The following CACNA1D variants were observed in gnomAD, a reference collection of about 807,000 sequenced individuals.
CACNA1D encodes voltage-dependent L-type calcium channel subunit alpha-1D.
CACNA1D carries 55 observed loss-of-function variants against 257.1 expected under a neutral mutation model. The ratio of observed to expected loss-of-function variants is 0.21; its 90% CI spans 0.17 to 0.27. CACNA1D has a LOEUF of 0.27. Ranked by LOEUF, CACNA1D falls within the 10% of genes least tolerant of loss-of-function variation. The pLI, the probability that CACNA1D is intolerant of heterozygous loss-of-function variation, is 1.00. For missense variants in CACNA1D, 1,876 were observed against 2,784.0 expected (o/e 0.67, Z 7.34); for synonymous variants, 980 against 1,014.9 (o/e 0.97, Z 0.65).
At position 53,733,328 on chromosome 3, in the gene CACNA1D, C is replaced by T. The variant is rs191743229; in HGVS notation, c.2621+366C>T. Among the ~76,000 whole-genome samples the T allele has an allele frequency of 9.8e-5, 15 of 152,312 alleles. No individual in the cohort carries two copies. In the East Asian group the frequency reaches 2.7e-3, roughly 27 times the overall value. On this transcript the variant is annotated intron_variant, in intron 19 of 47. Coordinates refer to ENST00000350061, the MANE Select transcript of CACNA1D (RefSeq NM_001128840.3). Reference sequence around the variant, plus strand: ...TCTGGTGTTCCATGCTTCGGCCAGCCGTGGAAATTTTTCCTAATGAGTGGA... The same window carrying T: ...TCTGGTGTTCCATGCTTCGGCCAGCTGTGGAAATTTTTCCTAATGAGTGGA...
chr3:53,538,327 T>A (rs989776969), intron 3 of CACNA1D, among the ~76,000 whole-genome samples: 2 of 152,004 alleles, frequency 1.3e-5, no homozygotes, highest in African/African-American at 4.8e-5. Flanking sequence ...TGGCTAATTT[T>A]TGTATTTTTA....
chr3:53,562,510 AT>A (rs1484802367), intron 3 of CACNA1D, among the ~76,000 whole-genome samples: 1 of 152,122 alleles, frequency 6.6e-6, no homozygotes, highest in African/African-American at 2.4e-5. Context: ...TGAGAACTGT[AT>A]TTTTTATAGC....
At chr3:53,697,917 T>C (rs906754213) in intron 8 of CACNA1D, among the ~76,000 whole-genome samples, 1 of 152,184 alleles carries the variant, frequency 6.6e-6, no homozygotes, top group African/African-American at 2.4e-5. Context: ...TGCCCTGGAA[T>C]CACCCAGTTC....
At chr3:53,659,375 C>T (rs1266802881) in intron 4 of CACNA1D, among the ~76,000 whole-genome samples, 2 of 152,168 alleles carry the variant, frequency 1.3e-5, no homozygotes, top group African/African-American at 4.8e-5. Context: ...GATTTACATC[C>T]TCCAAATATC....
At chr3:53,527,723 A>G (rs541016812) in intron 3 of CACNA1D, among the ~76,000 whole-genome samples, 1 of 152,350 alleles carries the variant, frequency 6.6e-6, no homozygotes, top group South Asian at 2.1e-4. Context: ...TAGTATTTAC[A>G]GTACTGGATG....
chr3:53,691,795 T>C (rs1249671007), intron 8 of CACNA1D, among the ~76,000 whole-genome samples: 1 of 70,230 alleles, frequency 1.4e-5, no homozygotes, highest in Non-Finnish European at 2.9e-5. Flanking sequence ...AATATATATA[T>C]TACATATATA....
intron 3 of CACNA1D, among the ~76,000 whole-genome samples, chr3:53,617,766 G>A (rs190132958): frequency 2.5e-4 from 38 of 152,296 alleles, no homozygotes; most frequent in Non-Finnish European, 4.6e-4. Flanking sequence ...AGTGACTCAG[G>A]CACTCAGCTA....
intron 8 of CACNA1D, among the ~76,000 whole-genome samples, chr3:53,690,939 C>G (rs1034568670): frequency 6.6e-6 from 1 of 152,214 alleles, no homozygotes; most frequent in Non-Finnish European, 1.5e-5. Flanking sequence ...AGCCAGACTT[C>G]ATGTGCACAT....
chr3:53,580,038 G>C (rs1313337762), intron 3 of CACNA1D, among the ~76,000 whole-genome samples: 1 of 152,200 alleles, frequency 6.6e-6, no homozygotes, highest in Non-Finnish European at 1.5e-5. Context: ...CAGGTACAAA[G>C]ACCACTGCAG....
At chr3:53,501,947 T>G (rs561329320) in intron 3 of CACNA1D, among the ~76,000 whole-genome samples, 1 of 152,208 alleles carries the variant, frequency 6.6e-6, no homozygotes, top group Non-Finnish European at 1.5e-5. Flanking sequence ...TAAATAGATA[T>G]GGAATTTTTA....
In CACNA1D at chr3:53,789,766, C is replaced by T. The variant is rs2095474477; in HGVS notation, c.4923+2814C>T. Among the ~76,000 whole-genome samples, 1 of 152,234 alleles carries T rather than the reference C, an allele frequency of 6.6e-6. No individual in the cohort carries two copies. Among genetic ancestry groups the T allele is most frequent in the African/African-American group, 2.4e-5 (1 of 41,466 alleles). On this transcript the variant is annotated intron_variant, in intron 40 of 47. Transcript: ENST00000350061. This position sits in a 1 kb window ranked among gnomAD's most constrained non-coding sequence, Gnocchi z 4.2. ...CGTAGGGTGCAGTCTGTCTGAACAG[C>T]TTCCAGGATGGGCCCAAGACCTCTG... is the stretch of plus-strand genomic sequence containing the variant.
intron 9 of CACNA1D, among the ~76,000 whole-genome samples, chr3:53,716,840 T>G (rs1262953093): frequency 1.3e-5 from 2 of 152,196 alleles, no homozygotes; most frequent in African/African-American, 4.8e-5. Context: ...GGGATCTTCT[T>G]TGGTATCCTC....
In CACNA1D at chr3:53,774,662, GTGC is replaced by G; in HGVS notation, c.4194_4196del (p.Leu1399del). On this transcript the variant is annotated inframe_deletion, in exon 34 of 48. Transcript: ENST00000350061. This position sits in a 1 kb window ranked among gnomAD's most constrained non-coding sequence, Gnocchi z 4.3. ...TAACTTCCAGACGTTTCCCCAGGCG[GTGC>G]TGCTGCTCTTCAGGTGACTGCAACT... The G allele has an allele frequency of 6.2e-7, 1 of 1,610,378 alleles. No individual in the cohort carries two copies.
intron 3 of CACNA1D, among the ~76,000 whole-genome samples, chr3:53,590,670 G>A (rs1369128295): frequency 6.6e-6 from 1 of 152,170 alleles, no homozygotes; most frequent in African/African-American, 2.4e-5. Flanking sequence ...TATTAGCTTT[G>A]GGCCAGATTC....
At chr3:53,650,505 A>G (rs963823745) in intron 3 of CACNA1D, among the ~76,000 whole-genome samples, 12 of 152,254 alleles carry the variant, frequency 7.9e-5, no homozygotes, top group African/African-American at 2.7e-4. Context: ...AGGCAGACTC[A>G]TCACACGCAT....
At position 53,730,522 on chromosome 3, in the gene CACNA1D, G is replaced by A. The variant is rs2094979742; in HGVS notation, c.2302G>A (p.Glu768Lys). Reference protein sequence around the residue: ...AESLNTAQKEEAEEKERKKIA... With the variant: ...AESLNTAQKEKAEEKERKKIA... Reference sequence around the variant, plus strand: ...AAGTCTGAACACTGCTCAGAAAGAAGAAGCGGAAGAAAAGGAGAGGAAAAA... The same window carrying A: ...AAGTCTGAACACTGCTCAGAAAGAAAAAGCGGAAGAAAAGGAGAGGAAAAA... Residue 768 changes from glutamate to lysine, a missense_variant, in exon 16 of 48, where the codon GAA becomes AAA. Physicochemically the swap from Glu to Lys is moderately conservative, Grantham distance 56. Coordinates refer to ENST00000350061, the MANE Select transcript of CACNA1D (RefSeq NM_001128840.3). 2 of 1,614,078 alleles carry A rather than the reference G, an allele frequency of 1.2e-6. No homozygotes were observed. The highest frequency in any genetic ancestry group is 1.7e-5 in the Admixed American group (1 of 60,034).
chr3:53,769,972 G>A lies in CACNA1D; in HGVS notation c.3871-1G>A. ...CATTTTCAATCTTTGATTTCTTAAA[G>A]CCAACTGAAAGTGAAAATGTCCCTG... is the stretch of plus-strand genomic sequence containing the variant. On this transcript the variant is annotated splice_acceptor_variant, in intron 30 of 47. Transcript: ENST00000350061. LOFTEE classifies it high-confidence loss of function. 6.2e-7 allele frequency: 1 copy of A among 1,611,540 alleles called. No individual in the cohort carries two copies. Among genetic ancestry groups the A allele is most frequent in the Admixed American group, 1.7e-5 (1 of 60,022 alleles).
chr3:53,718,366 C>A lies in CACNA1D; in HGVS notation c.1456C>A (p.Arg486=). The A allele has an allele frequency of 1.2e-6, 2 of 1,614,082 alleles. No homozygotes were observed. Among genetic ancestry groups the A allele is most frequent in the Non-Finnish European group, 1.7e-6 (2 of 1,179,932 alleles). The part of the protein sequence containing the change: ...TENVSGEGEN[R]GCCGSLCQAI... ...GAACGTCAGCGGTGAAGGCGAGAAC[C>A]GAGGCTGCTGTGGAAGTCTCTGGTG... Residue 486 remains arginine, a synonymous_variant, in exon 10 of 48, where the codon CGA becomes AGA. Coordinates refer to ENST00000350061, the MANE Select transcript of CACNA1D (RefSeq NM_001128840.3).
At chr3:53,802,081 G>T in intron 42 of CACNA1D, 66 bp from the exon 43 acceptor site, 2 of 1,381,748 alleles carry the variant, frequency 1.4e-6, no homozygotes, top group East Asian at 4.6e-5. Context: ...TGTTTGCATT[G>T]TAAATTTGGT....
Sources: allele counts gnomAD v4.1 joint callset (sites outside exome capture counted in the v4.1 genomes callset), GRCh38; gene constraint gnomAD v4.1.1; non-coding constraint Gnocchi (gnomAD v3.1); transcripts MANE v1.5; gene names NCBI Gene and HGNC (gene_info 2026-07-23, HGNC 2026-07-21).